The following ASB7 variants were observed in gnomAD, a reference collection of about 807,000 sequenced individuals.
ASB7 encodes the protein ankyrin repeat and SOCS box containing 7.
In ASB7, 4 loss-of-function variants were observed where a neutral mutation model predicts 32.5. The ratio of observed to expected loss-of-function variants is 0.12; its 90% confidence interval spans 0.06 to 0.28. The LOEUF (loss-of-function observed/expected upper bound fraction) is 0.28. Ranked by LOEUF, ASB7 falls within the 10% of genes least tolerant of loss-of-function variation. The pLI is 1.00. For missense variants in ASB7, 181 were observed against 407.1 expected (o/e 0.44, Z 4.78); for synonymous variants, 172 against 155.6 (o/e 1.11, Z -0.78).
At chr15:100,610,808 C>T (rs2039689672) in intron 3 of ASB7, among the ~76,000 whole-genome samples, 2 of 152,180 alleles carry the variant, frequency 1.3e-5, no homozygotes, top group South Asian at 4.1e-4. Context: ...TAAAGGGCTT[C>T]ATCACAGTTT....
chr15:100,636,727 T>C (rs1268798623), intron 5 of ASB7, among the ~76,000 whole-genome samples: 3 of 152,242 alleles, frequency 2.0e-5, no homozygotes, highest in African/African-American at 7.2e-5. Context: ...TTTCTGCTTC[T>C]TGTGATTTAA....
rs1314000556 is a variant in ASB7 at position 100,650,183 on chromosome 15, C to CTT, written c.*1722_*1723insTT. 2 of 152,388 alleles carry CTT rather than the reference C, an allele frequency of 1.3e-5. No homozygotes were observed. The highest frequency in any genetic ancestry group is 4.1e-4 in the South Asian group (2 of 4,832). 9.4% of individuals were successfully genotyped at this position (152,388 alleles called of 1,614,324 possible). A position where few individuals can be genotyped will look rare whatever the true frequency, so the allele number is the denominator to read the frequency against. Reference sequence around the variant, plus strand: ...ATAGACTCTTTCGCAGGCAGCCACTCTGAGTGTGGCCAGTTCTATAACCAT... The same window carrying CTT: ...ATAGACTCTTTCGCAGGCAGCCACTCTTTGAGTGTGGCCAGTTCTATAACCAT... On this transcript the variant is annotated 3_prime_UTR_variant, in exon 6 of 6. Transcript: ENST00000332783.
At position 100,649,131 on chromosome 15, in the gene ASB7, A is replaced by G. The variant is rs759552287; in HGVS notation, c.*669A>G. The G allele has an allele frequency of 6.6e-6, 1 of 152,438 alleles. No homozygotes were observed. 9.4% of individuals were successfully genotyped at this position (152,438 alleles called of 1,614,324 possible). On this transcript the variant is annotated 3_prime_UTR_variant, in exon 6 of 6. Transcript: ENST00000332783. ...GTAGTACACTACCCTGAGACACTGC[A>G]TCTCGATTTCTATCTCTAGTTAGAG...
At chr15:100,633,199 T>C (rs1160539773) in intron 5 of ASB7, among the ~76,000 whole-genome samples, 1 of 149,018 alleles carries the variant, frequency 6.7e-6, no homozygotes, top group African/African-American at 2.5e-5. Context: ...TTTGGTTTTT[T>C]ACTTGTAGCC....
At chr15:100,620,006 C>T (rs1216094763) in intron 4 of ASB7, among the ~76,000 whole-genome samples, 1 of 152,150 alleles carries the variant, frequency 6.6e-6, no homozygotes, top group Admixed American at 6.5e-5. Context: ...AAGTTCAGTT[C>T]CTCGGACACA....
intron 5 of ASB7, among the ~76,000 whole-genome samples, chr15:100,631,112 A>G (rs1424839391): frequency 6.6e-5 from 10 of 152,192 alleles, no homozygotes. Context: ...GAAAAGATGC[A>G]ATTATTATCA....
intron 5 of ASB7, among the ~76,000 whole-genome samples, chr15:100,647,103 A>G (rs1171879427): frequency 2.0e-5 from 3 of 152,220 alleles, no homozygotes; most frequent in South Asian, 4.1e-4. Context: ...GTAATGGTTT[A>G]TTAGAATGAA....
intron 5 of ASB7, chr15:100,646,153 C>T: frequency 2.4e-6 from 1 of 413,710 alleles, no homozygotes; most frequent in Non-Finnish European, 4.8e-6. Flanking sequence ...ATTCCACTCC[C>T]ATAAGAGAAT....
At chr15:100,608,181 C>T (rs1217127893) in intron 2 of ASB7, among the ~76,000 whole-genome samples, 1 of 152,128 alleles carries the variant, frequency 6.6e-6, no homozygotes, top group Non-Finnish European at 1.5e-5. Context: ...GTGTGAGGCT[C>T]ATCACTGGGG....
At chr15:100,615,176 C>CA (rs1177997846) in intron 4 of ASB7, among the ~76,000 whole-genome samples, 1 of 152,200 alleles carries the variant, frequency 6.6e-6, no homozygotes, top group African/African-American at 2.4e-5. Context: ...ATGGTGTTCA[C>CA]ACAAGAGCGA....
chr15:100,634,205 A>C (rs1026843450), intron 5 of ASB7, among the ~76,000 whole-genome samples: 5 of 152,206 alleles, frequency 3.3e-5, no homozygotes. Context: ...TCCCATAGTC[A>C]ATGTATGGAC....
At chr15:100,605,362 C>A (rs1189186443) in intron 2 of ASB7, among the ~76,000 whole-genome samples, 2 of 152,032 alleles carry the variant, frequency 1.3e-5, no homozygotes, top group Non-Finnish European at 2.9e-5. Context: ...AAAAAAAATC[C>A]AATTTATTTC....
At position 100,602,959 on chromosome 15, in the gene ASB7, G is replaced by C; in HGVS notation, c.-360G>C. 2.5e-6 allele frequency: 1 copy of C among 399,142 alleles called. No homozygotes were observed. The highest frequency in any genetic ancestry group is 1.3e-4 in the South Asian group (1 of 7,878). The allele number at this position is 399,142 out of a possible 1,614,324, so 24.7% of individuals were successfully genotyped here. The stretch of plus-strand genomic sequence containing the variant: ...GGAGGATCAGGAACACCAGGGTCCG[G>C]CCCTGCCTGGGGTATTTCTTCAATG... On this transcript the variant is annotated 5_prime_UTR_variant, in exon 1 of 6. Coordinates refer to ENST00000332783, the MANE Select transcript of ASB7 (RefSeq NM_198243.3).
At chr15:100,638,537 C>G (rs2039940265) in intron 5 of ASB7, 1 of 152,168 alleles carries the variant, frequency 6.6e-6, no homozygotes, top group African/African-American at 2.4e-5. Context: ...GAAGATAGGA[C>G]CTTGGATCCT....
At chr15:100,621,023 G>T (rs2039787554) in intron 4 of ASB7, among the ~76,000 whole-genome samples, 1 of 152,106 alleles carries the variant, frequency 6.6e-6, no homozygotes, top group Non-Finnish European at 1.5e-5. Context: ...CAGAAGAACG[G>T]TGAAAAATAT....
chr15:100,620,165 A>G (rs2039778972), intron 4 of ASB7, among the ~76,000 whole-genome samples: 1 of 152,234 alleles, frequency 6.6e-6, no homozygotes, highest in Admixed American at 6.5e-5. Context: ...AGAAAATGGC[A>G]TAGTATTTGC....
intron 4 of ASB7, among the ~76,000 whole-genome samples, chr15:100,628,095 T>A (rs1259258917): frequency 1.3e-5 from 2 of 152,220 alleles, no homozygotes; most frequent in Admixed American, 6.5e-5. Flanking sequence ...AAGGTAGATA[T>A]AATGCCCTTA....
At chr15:100,618,799 T>C (rs945082333) in intron 4 of ASB7, among the ~76,000 whole-genome samples, 5 of 152,206 alleles carry the variant, frequency 3.3e-5, no homozygotes, top group Non-Finnish European at 7.3e-5. Context: ...TGAGCAAATA[T>C]GGGACTCTCC....
rs543628587 is a variant in ASB7 at position 100,612,277 on chromosome 15, G to T, written c.61G>T (p.Ala21Ser). ...ELQEELQIQA[A>S]VAAGDVHTVR... ...CCAGGAAGAGTTGCAGATTCAGGCC[G>T]CGGTGGCTGCTGGGGATGTCCACAC... The change falls in exon 4 of 6, where the codon GCG (alanine) becomes TCG (serine). Residue 21 changes from alanine (A) to serine (S), a missense_variant. Transcript: ENST00000332783. The T allele has an allele frequency of 1.2e-6, 2 of 1,614,134 alleles. No individual in the cohort carries two copies. Among genetic ancestry groups the T allele is most frequent in the Non-Finnish European group, 1.7e-6 (2 of 1,179,994 alleles).
Sources: gnomAD v4.1 joint callset for allele counts (sites outside exome capture counted in the v4.1 genomes callset) on GRCh38, gnomAD v4.1.1 for gene constraint, MANE v1.5 for transcripts, NCBI Gene and HGNC (gene_info 2026-07-23, HGNC 2026-07-21) for gene names.